Variants in SLCO3A1 observed in about 807,000 individuals in gnomAD.
SLCO3A1 encodes the protein PGE1 transporter.
In SLCO3A1, 27 loss-of-function variants were observed where a neutral mutation model predicts 63.1. The observed-to-expected ratio is 0.43, with a 90% CI of 0.32 to 0.59. The LOEUF is 0.59. SLCO3A1 is among the 20% of genes least tolerant of loss of function. The probability of loss-of-function intolerance (pLI) is 0.09; values close to 1 mark genes in which losing one functional copy is unlikely to be tolerated. For synonymous variants in SLCO3A1, 473 were observed against 409.9 expected (o/e 1.15, Z -1.86); for missense variants, 773 against 945.8 (o/e 0.82, Z 2.40).
At chr15:91,972,289 G>A (rs752946521) in intron 2 of SLCO3A1, among the ~76,000 whole-genome samples, 20 of 152,218 alleles carry the variant, frequency 1.3e-4, no homozygotes, top group Non-Finnish European at 2.2e-4. Context: ...GAACCAAGGT[G>A]GTATGGTCTG....
At chr15:92,105,832 C>G (rs1181144995) in intron 4 of SLCO3A1, among the ~76,000 whole-genome samples, 1 of 152,220 alleles carries the variant, frequency 6.6e-6, no homozygotes, top group African/African-American at 2.4e-5. Context: ...TCCACAGCGG[C>G]AGATGCAGTC....
At position 92,165,364 on chromosome 15, in the gene SLCO3A1, T is replaced by C. The variant is rs188302937; in HGVS notation, c.*2229T>C. 64 of 985,242 alleles carry C rather than the reference T, an allele frequency of 6.5e-5. No homozygotes were observed. Among genetic ancestry groups the C allele is most frequent in the Non-Finnish European group, 7.5e-5 (62 of 829,734 alleles). The allele number at this position is 985,242 out of a possible 1,614,324, so 61.0% of individuals were successfully genotyped here. ...TGTTGTTCCTAAGGCTTTGATAATA[T>C]CCTGTACAGATTTTGGTTTAGTTTT... On this transcript the variant is annotated 3_prime_UTR_variant, in exon 10 of 10. Coordinates refer to ENST00000318445, the MANE Select transcript of SLCO3A1 (RefSeq NM_013272.4).
intron 1 of SLCO3A1, among the ~76,000 whole-genome samples, chr15:91,855,775 T>C (rs1346689372): frequency 6.6e-6 from 1 of 152,164 alleles, no homozygotes; most frequent in Non-Finnish European, 1.5e-5. Context: ...CTGTGACATA[T>C]GCAAAGTACA....
At chr15:91,996,904 A>T (rs1250435521) in intron 2 of SLCO3A1, among the ~76,000 whole-genome samples, 2 of 152,152 alleles carry the variant, frequency 1.3e-5, no homozygotes, top group Non-Finnish European at 2.9e-5. Flanking sequence ...AAACACAAAA[A>T]CCCTAAGGGA....
chr15:91,907,395 GGGGTTTCACCAT>G (rs200695264), intron 1 of SLCO3A1, among the ~76,000 whole-genome samples: 127 of 151,924 alleles, frequency 8.4e-4, no homozygotes, highest in African/African-American at 2.9e-3. Context: ...TAGTAGAGAT[GGGGTTTCACCAT>G]GTTGTCCAGG....
chr15:91,914,113 G>C (rs113929787), intron 1 of SLCO3A1, among the ~76,000 whole-genome samples: 56 of 152,302 alleles, frequency 3.7e-4, no homozygotes, highest in African/African-American at 1.2e-3. Flanking sequence ...CTTGACACCA[G>C]CTCTATGAGG....
At chr15:92,051,285 A>G (rs1488835642) in intron 2 of SLCO3A1, among the ~76,000 whole-genome samples, 1 of 152,168 alleles carries the variant, frequency 6.6e-6, no homozygotes, top group Non-Finnish European at 1.5e-5. Context: ...CATCAGAGGC[A>G]ACAGCATGTG....
At chr15:91,975,655 C>T (rs1328674383) in intron 2 of SLCO3A1, among the ~76,000 whole-genome samples, 1 of 152,254 alleles carries the variant, frequency 6.6e-6, no homozygotes, top group Non-Finnish European at 1.5e-5. Flanking sequence ...CATCCAGGTA[C>T]AACCTTCCTC....
At position 91,972,241 on chromosome 15, in the gene SLCO3A1, G is replaced by A. The variant is rs559433646; in HGVS notation, c.646+55783G>A. 3.9e-5 allele frequency among the ~76,000 whole-genome samples: 6 copies of A among 152,208 alleles called. No homozygotes were observed. In the East Asian group the frequency reaches 1.2e-3, roughly 29 times the overall value. On this transcript the variant is annotated intron_variant, in intron 2 of 9. Coordinates refer to ENST00000318445, the MANE Select transcript of SLCO3A1 (RefSeq NM_013272.4). Reference sequence around the variant, plus strand: ...TACCTTCAGACAGGTGGCTGCGCTGGGTTGGGAGGTGGATATGGGAGATGA... The same window carrying A: ...TACCTTCAGACAGGTGGCTGCGCTGAGTTGGGAGGTGGATATGGGAGATGA...
chr15:91,920,945 A>G (rs1364696164), intron 2 of SLCO3A1, among the ~76,000 whole-genome samples: 1 of 152,122 alleles, frequency 6.6e-6, no homozygotes, highest in African/African-American at 2.4e-5. Context: ...TTCCTTCTTA[A>G]GAGGGATGCC....
intron 2 of SLCO3A1, among the ~76,000 whole-genome samples, chr15:92,069,518 G>A (rs145413268): frequency 1.3e-5 from 2 of 152,170 alleles, no homozygotes; most frequent in African/African-American, 4.8e-5. Context: ...CATTCACTAC[G>A]CAAGGGAGGT....
intron 2 of SLCO3A1, among the ~76,000 whole-genome samples, chr15:91,931,827 A>ACACACT (rs1899246846): frequency 6.6e-6 from 1 of 151,546 alleles, no homozygotes; most frequent in South Asian, 2.1e-4. Flanking sequence ...ACACACTCAC[A>ACACACT]CAGGAGTAGA....
rs117217559 is a variant in SLCO3A1 at position 92,162,567 on chromosome 15, A to C, written c.1754-189A>C. On this transcript the variant is annotated intron_variant, in intron 9 of 9. Coordinates refer to ENST00000318445, the MANE Select transcript of SLCO3A1 (RefSeq NM_013272.4). ...GCAGGAGGGCTTAAATAACTTGCTCAGATTTGTACCATAATAAAAAGGCAG... is the reference window on the plus strand; with the variant it reads ...GCAGGAGGGCTTAAATAACTTGCTCCGATTTGTACCATAATAAAAAGGCAG... 8.6e-3 allele frequency: 7,677 copies of C among 892,868 alleles called. 60 individuals are homozygous for C. Among genetic ancestry groups the C allele is most frequent in the Non-Finnish European group, 1.0e-2 (6,185 of 618,788 alleles). 55.3% of individuals were successfully genotyped at this position (892,868 alleles called of 1,614,324 possible).
intron 8 of SLCO3A1, chr15:92,149,305 G>T (rs1043435287): frequency 3.3e-5 from 5 of 152,248 alleles, no homozygotes; most frequent in African/African-American, 9.6e-5. Context: ...TGTGCTGGAA[G>T]CGCATGCTAT....
At chr15:91,918,074 G>A (rs1898720817) in intron 2 of SLCO3A1, among the ~76,000 whole-genome samples, 2 of 148,564 alleles carry the variant, frequency 1.3e-5, no homozygotes, top group African/African-American at 4.9e-5. Flanking sequence ...TCCAGCCGTA[G>A]TCACTGAACC....
In SLCO3A1 at chr15:92,164,925, T is replaced by C. The variant is rs2048480688; in HGVS notation, c.*1790T>C. ...ACTCCTCATGCTGCTTCAGTGACCT[T>C]TGTTCATGTCACATTCCTGGCGCTG... On this transcript the variant is annotated 3_prime_UTR_variant, in exon 10 of 10. Coordinates refer to ENST00000318445, the MANE Select transcript of SLCO3A1 (RefSeq NM_013272.4). 2 of 985,330 alleles carry C rather than the reference T, an allele frequency of 2.0e-6. No homozygotes were observed. The highest frequency in any genetic ancestry group is 2.4e-6 in the Non-Finnish European group (2 of 829,938). 61.0% of individuals were successfully genotyped at this position (985,330 alleles called of 1,614,324 possible). A position where few individuals can be genotyped will look rare whatever the true frequency, so the allele number is the denominator to read the frequency against.
At chr15:91,964,603 G>A (rs1176129816) in intron 2 of SLCO3A1, among the ~76,000 whole-genome samples, 1 of 152,132 alleles carries the variant, frequency 6.6e-6, no homozygotes, top group Non-Finnish European at 1.5e-5. Context: ...GAAGGGGCAT[G>A]GGAAGTCTTG....
chr15:92,008,314 C>T lies in SLCO3A1; in HGVS notation c.647-86567C>T, dbSNP rs551886090. Among the ~76,000 whole-genome samples, 9 of 152,292 alleles carry T rather than the reference C, an allele frequency of 5.9e-5. No homozygotes were observed. The East Asian group carries it at 7.7e-4, about 13-fold the overall frequency. ...CTTTATGGTAACACAGACTGGGGTT[C>T]GTATCCCCCTTTCGCCGCCAGGTTG... On this transcript the variant is annotated intron_variant, in intron 2 of 9. Transcript: ENST00000318445.
At chr15:91,887,562 G>C (rs998994091) in intron 1 of SLCO3A1, among the ~76,000 whole-genome samples, 2 of 152,176 alleles carry the variant, frequency 1.3e-5, no homozygotes, top group African/African-American at 4.8e-5. Flanking sequence ...TGGCAGCTTT[G>C]GCCTTTTAGA....
Sources: allele counts gnomAD v4.1 joint callset (sites outside exome capture counted in the v4.1 genomes callset), GRCh38; gene constraint gnomAD v4.1.1; transcripts MANE v1.5; gene names NCBI Gene and HGNC (gene_info 2026-07-23, HGNC 2026-07-21).